The following ADAMTSL1 variants were observed in gnomAD, a reference collection of about 807,000 sequenced individuals.
ADAMTSL1 encodes ADAMTS-like protein 1.
Under a neutral mutation model 201.8 loss-of-function variants are expected in ADAMTSL1, and 126 were observed. That is an observed-to-expected ratio of 0.62 (90% confidence interval 0.54 to 0.72). The LOEUF is 0.72. Among genes scored for constraint, ADAMTSL1 ranks in the 30% least tolerant of loss-of-function variants. The pLI is 0.00. For synonymous variants in ADAMTSL1, 1,121 were observed against 903.4 expected (o/e 1.24, Z -4.32); for missense variants, 2,679 against 2,277.8 (o/e 1.18, Z -3.59).
intron 2 of ADAMTSL1, among the ~76,000 whole-genome samples, chr9:18,458,355 T>C (rs1245411676): frequency 6.6e-6 from 1 of 152,238 alleles, no homozygotes; most frequent in Non-Finnish European, 1.5e-5. Context: ...CTCAATATTT[T>C]CTGTTCTACT....
chr9:18,642,316 A>G (rs1827501296), intron 7 of ADAMTSL1, among the ~76,000 whole-genome samples: 1 of 151,870 alleles, frequency 6.6e-6, no homozygotes, highest in African/African-American at 2.4e-5. Context: ...TTTTTAATTA[A>G]TGAGTAAAAA....
intron 3 of ADAMTSL1, among the ~76,000 whole-genome samples, chr9:18,554,015 T>A (rs1311934472): frequency 6.6e-6 from 1 of 151,926 alleles, no homozygotes; most frequent in Non-Finnish European, 1.5e-5. Context: ...TAATGCTTTT[T>A]ACATCTTTGT....
intron 23 of ADAMTSL1, among the ~76,000 whole-genome samples, chr9:18,872,456 C>T (rs1309071510): frequency 5.9e-5 from 9 of 152,166 alleles, no homozygotes; most frequent in Non-Finnish European, 1.2e-4. Flanking sequence ...GTGCACTGTA[C>T]CCAATGTGTA....
intron 2 of ADAMTSL1, among the ~76,000 whole-genome samples, chr9:18,508,903 G>GTTCTGGGATATGT (rs1231329140): frequency 1.0e-5 from 1 of 97,124 alleles, no homozygotes; most frequent in African/African-American, 5.0e-5. Flanking sequence ...TAGAAATAGA[G>GTTCTGGGATATGT]GCCGGGCGCG....
intron 1 of ADAMTSL1, among the ~76,000 whole-genome samples, chr9:18,492,608 C>A (rs1298734003): frequency 6.6e-6 from 1 of 152,164 alleles, no homozygotes; most frequent in Non-Finnish European, 1.5e-5. Flanking sequence ...AACGTTTTTT[C>A]ATGTATTAGC....
chr9:18,315,626 C>CG (rs1243696805), intron 2 of ADAMTSL1, among the ~76,000 whole-genome samples: 1 of 152,132 alleles, frequency 6.6e-6, no homozygotes, highest in Admixed American at 6.5e-5. Flanking sequence ...GCTCTGAGTG[C>CG]GGGGCCCACC....
At chr9:18,571,326 A>C (rs949077997) in intron 3 of ADAMTSL1, among the ~76,000 whole-genome samples, 1 of 152,182 alleles carries the variant, frequency 6.6e-6, no homozygotes, top group Admixed American at 6.5e-5. Context: ...TAACTGTTTC[A>C]CTTGTATAGA....
chr9:18,804,397 T>C (rs1462533082), intron 20 of ADAMTSL1, among the ~76,000 whole-genome samples: 1 of 152,174 alleles, frequency 6.6e-6, no homozygotes. Flanking sequence ...TGGAAATAGA[T>C]GTAAAGGAGG....
At chr9:18,274,530 A>G (rs1022898753) in intron 2 of ADAMTSL1, among the ~76,000 whole-genome samples, 4 of 152,178 alleles carry the variant, frequency 2.6e-5, no homozygotes, top group Non-Finnish European at 2.9e-5. Context: ...CAACAGAAAT[A>G]GGCAAAATAA....
intron 26 of ADAMTSL1, among the ~76,000 whole-genome samples, chr9:18,903,345 C>A (rs966430563): frequency 6.6e-6 from 1 of 151,950 alleles, no homozygotes; most frequent in Non-Finnish European, 1.5e-5. Flanking sequence ...TAAGAAAACA[C>A]CAAATACAAA....
chr9:18,104,226 C>T (rs1824654858), intron 1 of ADAMTSL1, among the ~76,000 whole-genome samples: 1 of 152,174 alleles, frequency 6.6e-6, no homozygotes, highest in African/African-American at 2.4e-5. Context: ...GACCTCTTCT[C>T]TGCTGAATGA....
At chr9:18,082,163 G>C (rs1401077634) in intron 1 of ADAMTSL1, among the ~76,000 whole-genome samples, 2 of 152,042 alleles carry the variant, frequency 1.3e-5, no homozygotes, top group Non-Finnish European at 2.9e-5. Context: ...TGGACAGCAG[G>C]TTTATATAAA....
intron 1 of ADAMTSL1, among the ~76,000 whole-genome samples, chr9:17,940,895 A>C (rs1827216437): frequency 1.5e-5 from 2 of 137,436 alleles, no homozygotes; most frequent in South Asian, 4.4e-4. Flanking sequence ...CACTTAAAGA[A>C]AATTCTTAAG....
At chr9:18,440,277 C>G (rs1819939810) in intron 2 of ADAMTSL1, among the ~76,000 whole-genome samples, 1 of 152,078 alleles carries the variant, frequency 6.6e-6, no homozygotes, top group Non-Finnish European at 1.5e-5. Context: ...AGGTAGACCC[C>G]TCAGTACCCA....
chr9:17,927,645 A>T (rs1046040066), intron 1 of ADAMTSL1, among the ~76,000 whole-genome samples: 3 of 152,130 alleles, frequency 2.0e-5, no homozygotes, highest in Admixed American at 6.5e-5. Flanking sequence ...ATTACTCCCT[A>T]AACAATACTG....
chr9:17,982,115 C>T (rs570009455), intron 1 of ADAMTSL1, among the ~76,000 whole-genome samples: 37 of 152,258 alleles, frequency 2.4e-4, no homozygotes, highest in African/African-American at 7.7e-4. Context: ...TACTGGTGTT[C>T]CTCTCTCTTG....
At chr9:18,345,650 G>A (rs1364378863) in intron 2 of ADAMTSL1, among the ~76,000 whole-genome samples, 3 of 152,094 alleles carry the variant, frequency 2.0e-5, no homozygotes, top group Non-Finnish European at 2.9e-5. Context: ...AAGATATTTT[G>A]TGGCAAAGTT....
chr9:18,800,412 T>C (rs1234383362), intron 20 of ADAMTSL1, among the ~76,000 whole-genome samples: 1 of 100,452 alleles, frequency 1.0e-5, no homozygotes, highest in African/African-American at 4.2e-5. Context: ...AAAGGAAAAA[T>C]GGACAGGTTT....
chr9:18,871,147 T>G (rs1035001052), intron 23 of ADAMTSL1, among the ~76,000 whole-genome samples: 2 of 152,234 alleles, frequency 1.3e-5, no homozygotes, highest in Non-Finnish European at 2.9e-5. Context: ...TTTGGATTTT[T>G]TATCATTCCA....
Sources: gnomAD v4.1 joint callset for allele counts (sites outside exome capture counted in the v4.1 genomes callset) on GRCh38, gnomAD v4.1.1 for gene constraint, MANE v1.5 for transcripts, NCBI Gene and HGNC (gene_info 2026-07-23, HGNC 2026-07-21) for gene names.